TMC7: variants seen among roughly 807,000 people sequenced by gnomAD.
TMC7 encodes the protein transmembrane channel-like protein 7.
A neutral mutation model predicts 82.9 loss-of-function variants in TMC7; 54 were observed. The observed-to-expected ratio is 0.65, with a 90% confidence interval of 0.52 to 0.82. The LOEUF (loss-of-function observed/expected upper bound fraction) is 0.82, where lower values mean the gene tolerates loss of function less well. Among genes scored for constraint, TMC7 ranks in the 40% least tolerant of loss-of-function variants. The pLI, the probability that TMC7 is intolerant of heterozygous loss-of-function variation, is 0.00. For missense variants in TMC7, 820 were observed against 901.2 expected (o/e 0.91, Z 1.15); for synonymous variants, 350 against 337.9 (o/e 1.04, Z -0.39).
chr16:19,043,553 G>C (rs1025992643), intron 9 of TMC7, among the ~76,000 whole-genome samples: 3 of 148,834 alleles, frequency 2.0e-5, no homozygotes, highest in African/African-American at 7.4e-5. Context: ...ACCCATTTAG[G>C]CATTTGCTTA....
intron 12 of TMC7, 71 bp downstream of exon 12, chr16:19,047,320 GGAGC>G: frequency 4.4e-6 from 6 of 1,352,034 alleles, no homozygotes; most frequent in Non-Finnish European, 6.2e-6. Flanking sequence ...CAATATGTCT[GGAGC>G]TCACCTCACA....
intron 8 of TMC7, among the ~76,000 whole-genome samples, chr16:19,039,841 C>T (rs369562036): frequency 9.9e-5 from 15 of 151,900 alleles, no homozygotes; most frequent in African/African-American, 2.9e-4. Context: ...GGCGGCCGGG[C>T]GAGGTGGCTC....
chr16:18,994,460 A>C (rs553845621), intron 1 of TMC7, among the ~76,000 whole-genome samples: 6 of 152,174 alleles, frequency 3.9e-5, no homozygotes, highest in Admixed American at 6.5e-5. Flanking sequence ...TCAAAAAAAA[A>C]AAAAAGAATT....
At chr16:18,990,120 A>G (rs2038923996) in intron 1 of TMC7, among the ~76,000 whole-genome samples, 1 of 151,928 alleles carries the variant, frequency 6.6e-6, no homozygotes, top group Non-Finnish European at 1.5e-5. Context: ...ATTGCAAAGA[A>G]CCTTCTTAAG....
intron 1 of TMC7, 46 bp downstream of exon 1, chr16:18,984,176 G>C: frequency 6.9e-7 from 1 of 1,456,198 alleles, no homozygotes; most frequent in Non-Finnish European, 9.0e-7. Flanking sequence ...CCTGGGGTCC[G>C]AGGGCGCACG....
chr16:19,051,603 A>C (rs1961544423), intron 12 of TMC7, 83 bp from the exon 13 acceptor site: 2 of 1,480,282 alleles, frequency 1.4e-6, no homozygotes, highest in African/African-American at 2.8e-5. Flanking sequence ...TAACATTCCC[A>C]CTGTAATGCA....
chr16:19,008,359 C>A (rs752149796), intron 1 of TMC7, among the ~76,000 whole-genome samples: 2 of 152,214 alleles, frequency 1.3e-5, no homozygotes, highest in Non-Finnish European at 2.9e-5. Context: ...GCTTTGTCTG[C>A]AGTGCTCCCA....
At chr16:18,998,329 C>T (rs777265544) in intron 1 of TMC7, among the ~76,000 whole-genome samples, 12 of 152,196 alleles carry the variant, frequency 7.9e-5, no homozygotes, top group Non-Finnish European at 1.6e-4. Context: ...GCAAGTGAGG[C>T]TGGTGTCCAA....
intron 9 of TMC7, among the ~76,000 whole-genome samples, chr16:19,044,680 T>A (rs1961178684): frequency 2.1e-5 from 3 of 145,500 alleles, no homozygotes; most frequent in African/African-American, 7.7e-5. Context: ...CAGACACCTG[T>A]AATCCCCGCT....
In TMC7 at chr16:19,000,071, C is replaced by T. The variant is rs147268831; in HGVS notation, c.68-9101C>T. Among the ~76,000 whole-genome samples the T allele has an allele frequency of 3.1e-4, 47 of 152,222 alleles. No homozygotes were observed. In the East Asian group the frequency reaches 7.4e-3, roughly 24 times the overall value. Reference sequence around the variant, plus strand: ...TAATCACGAAGGCTGCGAGCCACCACGCCGGGCAGAGTCCGGGCTTTATGA... The same window carrying T: ...TAATCACGAAGGCTGCGAGCCACCATGCCGGGCAGAGTCCGGGCTTTATGA... On this transcript the variant is annotated intron_variant, in intron 1 of 15. Transcript: ENST00000304381.
chr16:19,045,062 C>A, intron 10 of TMC7, 61 bp downstream of exon 10: 1 of 1,313,570 alleles, frequency 7.6e-7, no homozygotes, highest in South Asian at 1.2e-5. Flanking sequence ...GTGTCATGGT[C>A]AAGAGAACAG....
At chr16:19,005,367 C>T (rs188581033) in intron 1 of TMC7, among the ~76,000 whole-genome samples, 16 of 152,284 alleles carry the variant, frequency 1.1e-4, no homozygotes, top group African/African-American at 9.6e-5. Context: ...GGATTACAGG[C>T]GTGAGCCACC....
chr16:18,985,699 T>G (rs1022276665), intron 1 of TMC7, among the ~76,000 whole-genome samples: 106 of 47,158 alleles, frequency 2.2e-3, no homozygotes, highest in African/African-American at 0.013. Flanking sequence ...GATAGATGAG[T>G]TTTTTTTTTT....
At chr16:19,055,412 C>T (rs1484432759) in intron 13 of TMC7, among the ~76,000 whole-genome samples, 1 of 152,080 alleles carries the variant, frequency 6.6e-6, no homozygotes, top group East Asian at 1.9e-4. Flanking sequence ...GGCTGGAGTA[C>T]AGTGGCCCGA....
chr16:19,056,087 TTTCTTTC>T (rs1240283022), intron 13 of TMC7, among the ~76,000 whole-genome samples: 1 of 151,432 alleles, frequency 6.6e-6, no homozygotes, highest in African/African-American at 2.4e-5. Flanking sequence ...TCTTTCTTTC[TTTCTTTC>T]TTTTTTTTTT....
At chr16:19,037,373 C>A (rs111841326) in intron 7 of TMC7, among the ~76,000 whole-genome samples, 47 of 105,070 alleles carry the variant, frequency 4.5e-4, no homozygotes, top group Non-Finnish European at 7.5e-4. Flanking sequence ...GGCAACAGAG[C>A]GAGACTCTGT....
Position 19,046,173 on chromosome 16 carries a change from C to CA in TMC7, c.1553+736dup, listed in dbSNP as rs1427834572. ...CCTTCTGCCATCAGCACAAAAGGTG[C>CA]AGACCTTCCAGGCTGCAGTGGACAC... On this transcript the variant is annotated intron_variant, in intron 11 of 15. Transcript: ENST00000304381. 2.0e-5 allele frequency among the ~76,000 whole-genome samples: 3 copies of CA among 152,150 alleles called. No homozygotes were observed. In the East Asian group the frequency reaches 5.8e-4, roughly 29 times the overall value.
intron 3 of TMC7, among the ~76,000 whole-genome samples, chr16:19,017,409 A>G (rs923976081): frequency 6.7e-6 from 1 of 149,780 alleles, no homozygotes; most frequent in Non-Finnish European, 1.5e-5. Context: ...ATATTTTAAT[A>G]TTAGTAAACT....
chr16:19,056,572 C>T lies in TMC7; in HGVS notation c.1902C>T (p.Phe634=). 6.2e-7 allele frequency: 1 copy of T among 1,614,120 alleles called. No homozygotes were observed. Among genetic ancestry groups the T allele is most frequent in the Non-Finnish European group, 8.5e-7 (1 of 1,180,000 alleles). ...RIPSSKACGP[F]TNFNTTWEVI... The stretch of plus-strand genomic sequence containing the variant: ...CTTCCTCGAAAGCCTGTGGGCCGTT[C>T]ACCAACTTCAACACCACCTGGGAGG... Residue 634 remains phenylalanine, a synonymous_variant, in exon 14 of 16, where the codon TTC becomes TTT. Coordinates refer to ENST00000304381, the MANE Select transcript of TMC7 (RefSeq NM_024847.4).
Sources: gnomAD v4.1 joint callset for allele counts (sites outside exome capture counted in the v4.1 genomes callset) on GRCh38, gnomAD v4.1.1 for gene constraint, MANE v1.5 for transcripts, NCBI Gene and HGNC (gene_info 2026-07-23, HGNC 2026-07-21) for gene names.